MAP7D2: variants seen among roughly 807,000 people sequenced by gnomAD.
The protein encoded by MAP7D2 is MAP7 domain containing 2, also known as MAP7 domain-containing protein 2.
In MAP7D2, 33 loss-of-function variants were observed where a neutral mutation model predicts 63.5. The ratio of observed to expected loss-of-function variants is 0.52; its 90% CI spans 0.39 to 0.70. The LOEUF is 0.70. Ranked by LOEUF, MAP7D2 falls within the 30% of genes least tolerant of loss-of-function variation. The pLI is 0.00. For missense variants in MAP7D2, 626 were observed against 604.0 expected (o/e 1.04, Z -0.38); for synonymous variants, 224 against 223.7 (o/e 1.00, Z -0.01).
At chrX:20,087,454 G>C (rs1017164315) in intron 1 of MAP7D2, among the ~76,000 whole-genome samples, 1 of 111,899 alleles carries the variant, frequency 8.9e-6, no homozygotes. Context: ...TCCACCATGA[G>C]TGGAAGTAGC....
chrX:20,032,133 G>A (rs1413840053), intron 8 of MAP7D2, among the ~76,000 whole-genome samples: 7 of 111,834 alleles, frequency 6.3e-5, no homozygotes, highest in Non-Finnish European at 1.1e-4. Context: ...AAATGATTTC[G>A]AAATTTAAAA....
At chrX:20,039,140 G>A (rs1182044501) in intron 8 of MAP7D2, among the ~76,000 whole-genome samples, 2 of 112,391 alleles carry the variant, frequency 1.8e-5, no homozygotes, top group African/African-American at 3.2e-5. Context: ...TTGCAGAAAC[G>A]AGGACTGTAA....
chrX:20,098,230 T>C (rs2066324881), intron 1 of MAP7D2, among the ~76,000 whole-genome samples: 2 of 111,753 alleles, frequency 1.8e-5, no homozygotes, highest in South Asian at 3.7e-4. Flanking sequence ...ATTTCAGATA[T>C]GTTCCCATTT....
intron 1 of MAP7D2, among the ~76,000 whole-genome samples, chrX:20,115,547 T>C (rs1427460029): frequency 1.8e-5 from 2 of 111,665 alleles, no homozygotes; most frequent in African/African-American, 6.5e-5. Flanking sequence ...ATTTCAAAGG[T>C]AGTTATAACG....
Position 20,013,569 on chromosome X carries a change from C to G in MAP7D2, c.1806G>C (p.Lys602Asn). ...TTAAAATGGTCATTTGAATTCCTAC[C>G]TTCACTTGTGGAGACACATCACTTT... ...TRKSDVSPQV[K>N]KEDPKVGVQP... Residue 602 changes from lysine (K) to asparagine (N), a missense_variant and splice_region_variant, in exon 13 of 17, where the codon AAG (lysine) becomes AAC (asparagine). By Grantham distance (94) the Lys-to-Asn change is moderately conservative. Coordinates refer to ENST00000379643, the MANE Select transcript of MAP7D2 (RefSeq NM_001168465.2). The G allele has an allele frequency of 8.4e-7, 1 of 1,191,242 alleles. No homozygotes were observed. The highest frequency in any genetic ancestry group is 1.1e-6 in the Non-Finnish European group (1 of 881,468).
intron 1 of MAP7D2, among the ~76,000 whole-genome samples, chrX:20,103,740 G>GT (rs1228257489): frequency 8.9e-6 from 1 of 112,131 alleles, no homozygotes; most frequent in Non-Finnish European, 1.9e-5. Context: ...ACAGCCACAT[G>GT]TGGCTAGTGG....
chrX:20,057,679 C>G, intron 3 of MAP7D2, among the ~76,000 whole-genome samples: 2 of 111,923 alleles, frequency 1.8e-5, no homozygotes, highest in East Asian at 5.6e-4. Flanking sequence ...CCTGAGCTAG[C>G]AGTTATAATG....
At chrX:20,022,196 G>A (rs1210645981) in intron 10 of MAP7D2, among the ~76,000 whole-genome samples, 4 of 111,705 alleles carry the variant, frequency 3.6e-5, no homozygotes, top group Non-Finnish European at 7.5e-5. Flanking sequence ...ACAAGTCCAC[G>A]TGGGGGCAAA....
At chrX:20,070,654 T>C (rs2065479751) in intron 1 of MAP7D2, among the ~76,000 whole-genome samples, 1 of 110,252 alleles carries the variant, frequency 9.1e-6, no homozygotes, top group South Asian at 3.9e-4. Flanking sequence ...CCAGGCAAAC[T>C]TGCAACTCTG....
At chrX:20,069,078 A>G (rs926476344) in intron 1 of MAP7D2, among the ~76,000 whole-genome samples, 7 of 112,243 alleles carry the variant, frequency 6.2e-5, no homozygotes, top group African/African-American at 2.3e-4. Flanking sequence ...GTGTGAAAAT[A>G]GACTAATACA....
chrX:20,075,133 AC>A (rs2065611244), intron 1 of MAP7D2, among the ~76,000 whole-genome samples: 1 of 111,701 alleles, frequency 9.0e-6, no homozygotes, highest in East Asian at 2.8e-4. Context: ...AAAAAAGAAA[AC>A]CCTAAAAAGT....
In MAP7D2 at chrX:20,017,701, T is replaced by C. The variant is rs186927327; in HGVS notation, c.1413-1376A>G. On this transcript the variant is annotated intron_variant, in intron 10 of 16. Coordinates refer to ENST00000379643, the MANE Select transcript of MAP7D2 (RefSeq NM_001168465.2). ...TTCTGGAGAGGAGCATTATAGAACC[T>C]ATCAGAAAGAAGCTCCCATTTTCTT... Among the ~76,000 whole-genome samples, 372 of 112,083 alleles carry C rather than the reference T, an allele frequency of 3.3e-3. 1 individual carries two copies. The highest frequency in any genetic ancestry group is 0.012 in the African/African-American group (358 of 30,892).
At chrX:20,062,326 A>C (rs2148371555) in intron 3 of MAP7D2, among the ~76,000 whole-genome samples, 1 of 111,735 alleles carries the variant, frequency 8.9e-6, no homozygotes, top group South Asian at 3.8e-4. Context: ...GAGCAGATGA[A>C]GGCACAGCAA....
At chrX:20,071,410 C>T (rs1189021473) in intron 1 of MAP7D2, among the ~76,000 whole-genome samples, 1 of 112,592 alleles carries the variant, frequency 8.9e-6, no homozygotes. Context: ...TGACAACTGT[C>T]CTAGCCCACT....
chrX:20,084,037 C>G (rs1310489697), intron 1 of MAP7D2, among the ~76,000 whole-genome samples: 3 of 110,594 alleles, frequency 2.7e-5, no homozygotes, highest in African/African-American at 6.6e-5. Context: ...TCTGTCTCTA[C>G]CAAAAATACA....
intron 1 of MAP7D2, among the ~76,000 whole-genome samples, chrX:20,111,919 T>C (rs969814055): frequency 9.0e-6 from 1 of 111,428 alleles, no homozygotes; most frequent in African/African-American, 3.3e-5. Context: ...TACAGGTACG[T>C]GCCATCACGC....
chrX:20,050,690 C>T (rs754608764), intron 6 of MAP7D2, 134 bp downstream of exon 6: 21 of 691,626 alleles, frequency 3.0e-5, no homozygotes, highest in African/African-American at 4.5e-5. Context: ...TGGTATAAGA[C>T]GTTATTAACC....
intron 1 of MAP7D2, among the ~76,000 whole-genome samples, chrX:20,094,532 A>T (rs1428570781): frequency 1.9e-4 from 3 of 15,947 alleles, no homozygotes; most frequent in African/African-American, 1.4e-3. Context: ...ATATATATAT[A>T]TATATATATG....
At chrX:20,094,525 T>TATAC (rs2066178971) in intron 1 of MAP7D2, among the ~76,000 whole-genome samples, 1 of 14,504 alleles carries the variant, frequency 6.9e-5, no homozygotes, top group Non-Finnish European at 9.8e-5. Context: ...TGTATATATA[T>TATAC]ATATATATAT....
Sources: allele counts gnomAD v4.1 joint callset (sites outside exome capture counted in the v4.1 genomes callset), GRCh38; gene constraint gnomAD v4.1.1; transcripts MANE v1.5; gene names NCBI Gene and HGNC (gene_info 2026-07-23, HGNC 2026-07-21).